The following CFAP20DC variants were observed in gnomAD, a reference collection of about 807,000 sequenced individuals.
The protein encoded by CFAP20DC is protein CFAP20DC.
Under a neutral mutation model 101.7 loss-of-function variants are expected in CFAP20DC, and 84 were observed. The ratio of observed to expected loss-of-function variants is 0.83; its 90% confidence interval spans 0.69 to 0.99. The LOEUF (loss-of-function observed/expected upper bound fraction) is 0.99, where lower values mean the gene tolerates loss of function less well. CFAP20DC is among the 50% of genes least tolerant of loss of function. CFAP20DC has a pLI of 0.00. For synonymous variants in CFAP20DC, 359 were observed against 351.2 expected, an observed-to-expected ratio of 1.02 and a Z score of -0.25; for missense variants, 1,007 against 970.3, an observed-to-expected ratio of 1.04 and a Z score of -0.50.
chr3:58,862,035 C>T (rs2079290642), intron 12 of CFAP20DC: 2 of 984,826 alleles, frequency 2.0e-6, no homozygotes, highest in South Asian at 9.4e-5. Context: ...TGAAGCTCTA[C>T]TGTTTCTTCT....
At position 59,002,017 on chromosome 3, in the gene CFAP20DC, A is replaced by C. The variant is rs2093325423; in HGVS notation, c.278+37540T>G. Among the ~76,000 whole-genome samples, 1 of 152,310 alleles carries C rather than the reference A, an allele frequency of 6.6e-6. No homozygotes were observed. The highest frequency in any genetic ancestry group is 2.4e-5 in the African/African-American group (1 of 41,566). On this transcript the variant is annotated intron_variant, in intron 4 of 16. Transcript: ENST00000482387. The surrounding 1 kb of genome is among the most constrained non-coding windows in gnomAD (Gnocchi z 4.5). Reference sequence around the variant, plus strand: ...ATTTTTTAATACCGGGTATATACTAAAATGCCGTGTGGTTGGCCACCATCT... The same window carrying C: ...ATTTTTTAATACCGGGTATATACTACAATGCCGTGTGGTTGGCCACCATCT...
intron 14 of CFAP20DC, among the ~76,000 whole-genome samples, chr3:58,811,971 C>G (rs2074677868): frequency 6.6e-6 from 1 of 152,210 alleles, no homozygotes; most frequent in Admixed American, 6.5e-5. Context: ...CCATCACTGG[C>G]CATCAGAGAA....
At chr3:58,836,842 T>C (rs557760017) in intron 13 of CFAP20DC, among the ~76,000 whole-genome samples, 1 of 152,242 alleles carries the variant, frequency 6.6e-6, no homozygotes, top group Admixed American at 6.5e-5. Context: ...GATATAATAT[T>C]AAAAACAACA....
At chr3:58,763,488 C>G (rs549270721) in intron 15 of CFAP20DC, among the ~76,000 whole-genome samples, 1 of 152,100 alleles carries the variant, frequency 6.6e-6, no homozygotes, top group South Asian at 2.1e-4. Context: ...TTTGAACTTC[C>G]TCCTTTAGCT....
intron 15 of CFAP20DC, among the ~76,000 whole-genome samples, chr3:58,778,984 C>T (rs72881619): frequency 0.038 from 5,791 of 152,262 alleles, 138 homozygotes; most frequent in African/African-American, 0.075. Flanking sequence ...AATAAAAGCA[C>T]ATTCAAATTA....
At chr3:58,770,436 GA>G (rs2070735540) in intron 15 of CFAP20DC, among the ~76,000 whole-genome samples, 1 of 152,204 alleles carries the variant, frequency 6.6e-6, no homozygotes, top group Non-Finnish European at 1.5e-5. Context: ...ATATTTATAA[GA>G]GAGTGAAGTA....
intron 13 of CFAP20DC, among the ~76,000 whole-genome samples, chr3:58,835,131 C>G (rs1262936447): frequency 1.3e-5 from 2 of 152,080 alleles, no homozygotes; most frequent in African/African-American, 4.8e-5. Flanking sequence ...TCTGTAAATG[C>G]TAGGAACTGG....
At chr3:58,832,197 A>G (rs1283956930) in intron 13 of CFAP20DC, among the ~76,000 whole-genome samples, 2 of 152,168 alleles carry the variant, frequency 1.3e-5, no homozygotes, top group Non-Finnish European at 2.9e-5. Flanking sequence ...GTCCTCAGTT[A>G]TGATGACTTC....
intron 5 of CFAP20DC, among the ~76,000 whole-genome samples, chr3:58,924,550 T>C (rs1227576151): frequency 1.3e-5 from 2 of 152,134 alleles, no homozygotes; most frequent in Non-Finnish European, 2.9e-5. Flanking sequence ...AGGGCAGATG[T>C]CTTTTTGATA....
chr3:58,937,075 C>G (rs946907194), intron 5 of CFAP20DC, among the ~76,000 whole-genome samples: 5 of 152,002 alleles, frequency 3.3e-5, no homozygotes, highest in Non-Finnish European at 7.4e-5. Context: ...TTGAGAACGA[C>G]TTGTCAGAAA....
chr3:58,743,182 C>T (rs1049377669), intron 16 of CFAP20DC, among the ~76,000 whole-genome samples: 20 of 151,680 alleles, frequency 1.3e-4, no homozygotes, highest in Non-Finnish European at 2.4e-4. Context: ...TGTTTTCTCT[C>T]GTGACAGCCA....
rs974864005 is a variant in CFAP20DC at position 59,002,180 on chromosome 3, C to T, written c.278+37377G>A. Among the ~76,000 whole-genome samples the T allele has an allele frequency of 1.5e-4, 23 of 152,114 alleles. No homozygotes were observed. Among genetic ancestry groups the T allele is most frequent in the African/African-American group, 5.6e-4 (23 of 41,418 alleles). ...AAAGTTACTCGCAGAGCCTCTGTTT[C>T]CTCATCTACAAAATGGAACAAAGGG... On this transcript the variant is annotated intron_variant, in intron 4 of 16. Coordinates refer to ENST00000482387, the MANE Select transcript of CFAP20DC (RefSeq NM_001394063.1). This position sits in a 1 kb window ranked among gnomAD's most constrained non-coding sequence, Gnocchi z 4.5.
At position 58,999,327 on chromosome 3, in the gene CFAP20DC, A is replaced by G. The variant is rs181764764; in HGVS notation, c.278+40230T>C. Among the ~76,000 whole-genome samples the G allele has an allele frequency of 6.2e-4, 94 of 152,326 alleles. 1 individual carries two copies. The highest frequency in any genetic ancestry group is 2.0e-3 in the African/African-American group (82 of 41,574). On this transcript the variant is annotated intron_variant, in intron 4 of 16. Transcript: ENST00000482387. The stretch of plus-strand genomic sequence containing the variant: ...TGGCCTTGAAAAATGCCGACTAGAG[A>G]TAGCAGCAAGGAGGCTGCTCCAGGC...
chr3:58,988,442 T>C (rs2092823664), intron 4 of CFAP20DC, among the ~76,000 whole-genome samples: 1 of 152,218 alleles, frequency 6.6e-6, no homozygotes, highest in Admixed American at 6.5e-5. Context: ...CAGGAGGTTC[T>C]GCTTATTCTG....
intron 14 of CFAP20DC, 109 bp downstream of exon 14, chr3:58,831,577 G>C: frequency 1.3e-6 from 1 of 781,526 alleles, no homozygotes; most frequent in Middle Eastern, 3.7e-4. Context: ...TTTCTCATAG[G>C]GAGAGTTCTC....
At chr3:58,905,344 T>A (rs2083492068) in intron 6 of CFAP20DC, among the ~76,000 whole-genome samples, 1 of 152,234 alleles carries the variant, frequency 6.6e-6, no homozygotes, top group Admixed American at 6.5e-5. Flanking sequence ...TAAATATGCA[T>A]TCTGGTTTTT....
At chr3:59,046,597 A>G (rs1190009992) in intron 2 of CFAP20DC, among the ~76,000 whole-genome samples, 1 of 152,142 alleles carries the variant, frequency 6.6e-6, no homozygotes, top group Non-Finnish European at 1.5e-5. Context: ...AGGGAGATAA[A>G]TAAAATAAAT....
Position 58,861,225 on chromosome 3 carries a change from G to A in CFAP20DC, c.1593+2333C>T, listed in dbSNP as rs114915701. On this transcript the variant is annotated intron_variant, in intron 12 of 16. Coordinates refer to ENST00000482387, the MANE Select transcript of CFAP20DC (RefSeq NM_001394063.1). The surrounding 1 kb of genome is among the most constrained non-coding windows in gnomAD (Gnocchi z 4.0). The stretch of plus-strand genomic sequence containing the variant: ...CATTTTCCTTTAAAAATACTCAATG[G>A]GCTAACATCAAATAAAGTCTTTTAA... 109 of 393,998 alleles carry A rather than the reference G, an allele frequency of 2.8e-4. No homozygotes were observed. The highest frequency in any genetic ancestry group is 2.3e-3 in the African/African-American group (108 of 46,042). The allele number at this position is 393,998 out of a possible 1,614,324, so 24.4% of individuals were successfully genotyped here.
chr3:58,840,505 G>A (rs1358566826), intron 13 of CFAP20DC, among the ~76,000 whole-genome samples: 1 of 151,948 alleles, frequency 6.6e-6, no homozygotes, highest in Non-Finnish European at 1.5e-5. Flanking sequence ...CTCTCTTTAG[G>A]TTATCCCTGA....
Sources: gnomAD v4.1 joint callset for allele counts (sites outside exome capture counted in the v4.1 genomes callset) on GRCh38, gnomAD v4.1.1 for gene constraint, Gnocchi (gnomAD v3.1) non-coding constraint, MANE v1.5 for transcripts, NCBI Gene and HGNC (gene_info 2026-07-23, HGNC 2026-07-21) for gene names.